The following ZFHX3 variants were observed in gnomAD, a reference collection of about 807,000 sequenced individuals.
The protein encoded by ZFHX3 is zinc finger homeobox 3.
ZFHX3 carries 42 observed loss-of-function variants against 279.1 expected under a neutral mutation model. That is an observed-to-expected ratio of 0.15 (90% CI 0.12 to 0.19). The LOEUF (loss-of-function observed/expected upper bound fraction) is 0.19. Ranked by LOEUF, ZFHX3 falls within the 10% of genes least tolerant of loss-of-function variation. The pLI, the probability that ZFHX3 is intolerant of heterozygous loss-of-function variation, is 1.00. For synonymous variants in ZFHX3, 2,293 were observed against 1,957.8 expected (o/e 1.17, Z -4.52); for missense variants, 4,981 against 4,754.0 (o/e 1.05, Z -1.40).
intron 4 of ZFHX3, among the ~76,000 whole-genome samples, chr16:73,265,723 A>G (rs897050887): frequency 3.3e-5 from 5 of 152,202 alleles, no homozygotes; most frequent in Non-Finnish European, 7.3e-5. Flanking sequence ...CTAAATGCAG[A>G]TCACCTACAT....
At chr16:72,982,672 T>C (rs998099175) in intron 1 of ZFHX3, among the ~76,000 whole-genome samples, 1 of 152,142 alleles carries the variant, frequency 6.6e-6, no homozygotes, top group South Asian at 2.1e-4. Flanking sequence ...AATTTTTACA[T>C]AGGCCAGAAT....
At chr16:72,929,864 G>A (rs1358776702) in intron 3 of ZFHX3, among the ~76,000 whole-genome samples, 1 of 152,224 alleles carries the variant, frequency 6.6e-6, no homozygotes, top group Non-Finnish European at 1.5e-5. Flanking sequence ...ACATGGATGT[G>A]CTGGGCTCCC....
intron 4 of ZFHX3, among the ~76,000 whole-genome samples, chr16:72,867,147 G>A (rs191700195): frequency 1.2e-4 from 18 of 152,198 alleles, no homozygotes; most frequent in Non-Finnish European, 1.9e-4. Context: ...CTGTCCAGGC[G>A]GCATCCTCAA....
chr16:73,254,609 C>T (rs1445032996), intron 5 of ZFHX3, among the ~76,000 whole-genome samples: 2 of 151,804 alleles, frequency 1.3e-5, no homozygotes, highest in Non-Finnish European at 2.9e-5. Context: ...ATGGCAGCAT[C>T]TTATATAAGT....
chr16:73,753,471 C>G (rs572265342), intron 1 of ZFHX3, among the ~76,000 whole-genome samples: 27 of 152,162 alleles, frequency 1.8e-4, no homozygotes, highest in African/African-American at 5.3e-4. Context: ...CCTAAATAAC[C>G]CTTCCCTCAA....
chr16:73,307,200 G>T (rs2015202470), intron 4 of ZFHX3, among the ~76,000 whole-genome samples: 1 of 152,182 alleles, frequency 6.6e-6, no homozygotes, highest in Non-Finnish European at 1.5e-5. Context: ...GTCATCTGAG[G>T]CCAACCATCG....
At chr16:73,888,255 G>T (rs1217281940) in intron 1 of ZFHX3, among the ~76,000 whole-genome samples, 5 of 152,164 alleles carry the variant, frequency 3.3e-5, no homozygotes, top group Non-Finnish European at 1.5e-5. Flanking sequence ...GCTAGCAGCG[G>T]TAACGGCATA....
At chr16:73,193,012 G>T (rs1341732677) in intron 5 of ZFHX3, among the ~76,000 whole-genome samples, 4 of 152,300 alleles carry the variant, frequency 2.6e-5, no homozygotes, top group Admixed American at 6.5e-5. Context: ...AGGATTAAAT[G>T]AAATAATGGA....
At chr16:72,874,886 T>G (rs2038270731) in intron 4 of ZFHX3, among the ~76,000 whole-genome samples, 1 of 152,204 alleles carries the variant, frequency 6.6e-6, no homozygotes, top group African/African-American at 2.4e-5. Flanking sequence ...CCCCACCTTC[T>G]GCTGTCTTCA....
chr16:73,263,994 C>T (rs1027214316), intron 4 of ZFHX3, among the ~76,000 whole-genome samples: 2 of 152,148 alleles, frequency 1.3e-5, no homozygotes, highest in African/African-American at 4.8e-5. Flanking sequence ...TGGCTAAACC[C>T]CGTCCCTACC....
intron 5 of ZFHX3, among the ~76,000 whole-genome samples, chr16:73,247,166 T>C (rs935216139): frequency 1.3e-5 from 2 of 151,916 alleles, no homozygotes; most frequent in African/African-American, 4.8e-5. Flanking sequence ...TGTGTCTGTG[T>C]GTCTATGTAC....
intron 5 of ZFHX3, among the ~76,000 whole-genome samples, chr16:72,813,163 T>C (rs2036511402): frequency 6.6e-6 from 1 of 152,200 alleles, no homozygotes; most frequent in African/African-American, 2.4e-5. Flanking sequence ...TTTCAGAATT[T>C]TGTTTAAAGC....
At chr16:73,431,126 G>A (rs1405871710) in intron 3 of ZFHX3, among the ~76,000 whole-genome samples, 7 of 152,130 alleles carry the variant, frequency 4.6e-5, no homozygotes, top group African/African-American at 9.7e-5. Flanking sequence ...AACCCTAAAC[G>A]GCATTGACAG....
rs570443915 is a variant in ZFHX3 at position 73,772,135 on chromosome 16, C to T, written c.-1607-91895G>A. 2.4e-3 allele frequency among the ~76,000 whole-genome samples: 370 copies of T among 152,278 alleles called. 1 individual carries two copies. The highest frequency in any genetic ancestry group is 4.5e-3 in the Non-Finnish European group (303 of 68,020). On this transcript the variant is annotated intron_variant, in intron 1 of 17. Transcript: ENST00000641206. ...ACCATCCAGTTCTCCACCTCCACCC[C>T]CTCGCCACAGACCTTTCCTTTGAAA...
chr16:73,313,279 C>A (rs2015370089), intron 4 of ZFHX3, among the ~76,000 whole-genome samples: 1 of 152,162 alleles, frequency 6.6e-6, no homozygotes, highest in Non-Finnish European at 1.5e-5. Context: ...GTCAATTAAA[C>A]CTTTTTTTCC....
intron 3 of ZFHX3, among the ~76,000 whole-genome samples, chr16:72,929,594 T>G (rs1041387612): frequency 1.3e-5 from 2 of 152,220 alleles, no homozygotes; most frequent in African/African-American, 4.8e-5. Flanking sequence ...CAGGAAAAAC[T>G]GTGTTCTGAA....
chr16:72,797,700 T>C lies in ZFHX3; in HGVS notation c.4982A>G (p.Asn1661Ser). ...GCTTGGATTGGAGGTGGTAAAGGTG[T>C]TACTGCCACTGGTGCTCACAGGACT... ...TPSPVSTSGS[N>S]TFTTSNPSSA... Residue 1661 changes from asparagine to serine, a missense_variant, in exon 9 of 10, where the codon AAC becomes AGC. Coordinates refer to ENST00000268489, the MANE Select transcript of ZFHX3 (RefSeq NM_006885.4). 6.2e-7 allele frequency: 1 copy of C among 1,614,108 alleles called. No homozygotes were observed. The highest frequency in any genetic ancestry group is 8.5e-7 in the Non-Finnish European group (1 of 1,180,022).
At chr16:73,197,530 G>C (rs150731719) in intron 5 of ZFHX3, among the ~76,000 whole-genome samples, 1 of 152,220 alleles carries the variant, frequency 6.6e-6, no homozygotes, top group Non-Finnish European at 1.5e-5. Context: ...GGTGAGGAAA[G>C]TCAACTAAGC....
At chr16:73,847,953 G>C (rs186943272) in intron 1 of ZFHX3, among the ~76,000 whole-genome samples, 276 of 134,154 alleles carry the variant, frequency 2.1e-3, no homozygotes, top group Middle Eastern at 4.0e-3. Flanking sequence ...TAGAGATGGA[G>C]TTTCACCATA....
Sources: allele counts gnomAD v4.1 joint callset (sites outside exome capture counted in the v4.1 genomes callset), GRCh38; gene constraint gnomAD v4.1.1; transcripts MANE v1.5; gene names NCBI Gene and HGNC (gene_info 2026-07-23, HGNC 2026-07-21).